The following PPP2R2B variants were observed in gnomAD, a reference collection of about 807,000 sequenced individuals.
The protein encoded by PPP2R2B is protein phosphatase 2 regulatory subunit Bbeta, also known as serine/threonine-protein phosphatase 2A 55 kDa regulatory subunit B beta isoform.
A neutral mutation model predicts 46.0 loss-of-function variants in PPP2R2B; 5 were observed. The observed-to-expected ratio is 0.11, with a 90% confidence interval of 0.06 to 0.23. PPP2R2B has a LOEUF of 0.23. Among genes scored for constraint, PPP2R2B ranks in the 10% least tolerant of loss-of-function variants. The pLI is 1.00. For synonymous variants in PPP2R2B, 215 were observed against 206.7 expected (o/e 1.04, Z -0.34); for missense variants, 367 against 575.0 (o/e 0.64, Z 3.70).
At chr5:146,618,250 A>G (rs1773382410) in intron 7 of PPP2R2B, among the ~76,000 whole-genome samples, 1 of 152,188 alleles carries the variant, frequency 6.6e-6, no homozygotes. Context: ...GAGAAAGACA[A>G]GACTGGTCAC....
intron 1 of PPP2R2B, among the ~76,000 whole-genome samples, chr5:146,999,157 C>T (rs1418798033): frequency 6.6e-6 from 1 of 151,930 alleles, no homozygotes; most frequent in Non-Finnish European, 1.5e-5. Flanking sequence ...TATGTCCAAG[C>T]ACTAGCTAGC....
intron 1 of PPP2R2B, among the ~76,000 whole-genome samples, chr5:147,036,051 G>A (rs886917444): frequency 3.9e-5 from 6 of 152,064 alleles, no homozygotes; most frequent in African/African-American, 1.4e-4. Context: ...GGATGTGCAG[G>A]TTTGTTACAT....
intron 1 of PPP2R2B, among the ~76,000 whole-genome samples, chr5:147,021,950 A>G (rs1033289796): frequency 1.3e-5 from 2 of 152,174 alleles, no homozygotes; most frequent in Non-Finnish European, 2.9e-5. Flanking sequence ...TAAAACATAA[A>G]AATATTGAGG....
intron 2 of PPP2R2B, among the ~76,000 whole-genome samples, chr5:147,065,322 A>G (rs1757386982): frequency 2.6e-5 from 4 of 152,166 alleles, no homozygotes; most frequent in Admixed American, 2.6e-4. Context: ...AGAGAGAGTG[A>G]AAATATTTCT....
intron 7 of PPP2R2B, among the ~76,000 whole-genome samples, chr5:146,604,565 G>GGTAT (rs1289546551): frequency 6.6e-6 from 1 of 152,072 alleles, no homozygotes; most frequent in Admixed American, 6.5e-5. Flanking sequence ...AGCCACTGGG[G>GGTAT]GTATGTCAGG....
intron 2 of PPP2R2B, among the ~76,000 whole-genome samples, chr5:146,843,583 A>C (rs1392555219): frequency 6.6e-6 from 1 of 152,208 alleles, no homozygotes; most frequent in Non-Finnish European, 1.5e-5. Flanking sequence ...ATTAGATGAT[A>C]TCATCTCACT....
intron 6 of PPP2R2B, among the ~76,000 whole-genome samples, chr5:146,640,680 T>C (rs1406059361): frequency 6.6e-6 from 1 of 152,218 alleles, no homozygotes; most frequent in East Asian, 1.9e-4. Flanking sequence ...CAAGCTGAAC[T>C]GGAAGGGATC....
At chr5:146,776,315 A>T (rs990082923) in intron 2 of PPP2R2B, among the ~76,000 whole-genome samples, 2 of 152,110 alleles carry the variant, frequency 1.3e-5, no homozygotes, top group African/African-American at 4.8e-5. Context: ...TTATATAACA[A>T]TATAGAATTG....
chr5:146,717,674 C>T (rs1224495131), intron 2 of PPP2R2B, among the ~76,000 whole-genome samples: 1 of 152,080 alleles, frequency 6.6e-6, no homozygotes, highest in African/African-American at 2.4e-5. Flanking sequence ...GTAATACAAC[C>T]TTTTGGTAGG....
chr5:146,651,115 G>A (rs1387865017), intron 5 of PPP2R2B, among the ~76,000 whole-genome samples: 2 of 152,004 alleles, frequency 1.3e-5, no homozygotes, highest in Non-Finnish European at 2.9e-5. Flanking sequence ...TTTTAGAAAT[G>A]TCTAGTTCAA....
At chr5:147,044,361 G>C (rs12654507) in intron 1 of PPP2R2B, among the ~76,000 whole-genome samples, 2 of 152,090 alleles carry the variant, frequency 1.3e-5, no homozygotes, top group African/African-American at 2.4e-5. Context: ...AGGGGGTTCA[G>C]GGCACCTGTG....
At chr5:146,672,709 A>G (rs766861872) in intron 5 of PPP2R2B, among the ~76,000 whole-genome samples, 4 of 152,200 alleles carry the variant, frequency 2.6e-5, no homozygotes, top group Admixed American at 1.3e-4. Context: ...CCCTCCCTCT[A>G]TAAGTAGTAT....
chr5:146,896,012 A>G (rs1476639119), intron 1 of PPP2R2B, among the ~76,000 whole-genome samples: 1 of 152,168 alleles, frequency 6.6e-6, no homozygotes, highest in Non-Finnish European at 1.5e-5. Flanking sequence ...ATCGGGCTAA[A>G]TAATATTGTC....
At chr5:146,891,247 T>C (rs917349215) in intron 1 of PPP2R2B, among the ~76,000 whole-genome samples, 3 of 152,240 alleles carry the variant, frequency 2.0e-5, no homozygotes, top group African/African-American at 7.2e-5. Context: ...CTTAATCATG[T>C]TGTGTTCTAA....
At chr5:146,751,633 T>C (rs1176410321) in intron 2 of PPP2R2B, 2 of 152,224 alleles carry the variant, frequency 1.3e-5, no homozygotes, top group Non-Finnish European at 2.9e-5. Flanking sequence ...CAAAGTCAAC[T>C]CAGTTCTTAC....
intron 1 of PPP2R2B, among the ~76,000 whole-genome samples, chr5:146,933,114 G>A (rs955011844): frequency 6.6e-6 from 1 of 152,154 alleles, no homozygotes; most frequent in Non-Finnish European, 1.5e-5. Flanking sequence ...TGCTCTTTGA[G>A]AAATTCTTAT....
intron 7 of PPP2R2B, among the ~76,000 whole-genome samples, chr5:146,619,010 G>A (rs1773450412): frequency 6.6e-6 from 1 of 152,104 alleles, no homozygotes; most frequent in Non-Finnish European, 1.5e-5. Flanking sequence ...CCTGGTTCAG[G>A]GGCTCCATAT....
chr5:146,645,486 T>C (rs940802159), intron 6 of PPP2R2B, among the ~76,000 whole-genome samples: 1 of 152,198 alleles, frequency 6.6e-6, no homozygotes, highest in Non-Finnish European at 1.5e-5. Flanking sequence ...TGAAAGCCAC[T>C]GAAGCAGCAA....
chr5:146,802,354 G>T (rs1756915258), intron 2 of PPP2R2B, among the ~76,000 whole-genome samples: 1 of 152,114 alleles, frequency 6.6e-6, no homozygotes, highest in African/African-American at 2.4e-5. Context: ...TCAACAGGGG[G>T]GTGGCAAATG....
Sources: gnomAD v4.1 joint callset for allele counts (sites outside exome capture counted in the v4.1 genomes callset) on GRCh38, gnomAD v4.1.1 for gene constraint, MANE v1.5 for transcripts, NCBI Gene and HGNC (gene_info 2026-07-23, HGNC 2026-07-21) for gene names.